Variants in NIPSNAP3B observed in about 807,000 individuals in gnomAD.
The protein encoded by NIPSNAP3B is protein NipSnap homolog 3B.
In NIPSNAP3B, 30 loss-of-function variants were observed where a neutral mutation model predicts 31.5. That is an observed-to-expected ratio of 0.95 (90% CI 0.71 to 1.29). The LOEUF (loss-of-function observed/expected upper bound fraction) is 1.29, where lower values mean the gene tolerates loss of function less well. Ranked by LOEUF, NIPSNAP3B falls within the 50% of genes most tolerant of loss-of-function variation. The probability of loss-of-function intolerance (pLI) is 0.00; values close to 1 mark genes in which losing one functional copy is unlikely to be tolerated. For synonymous variants in NIPSNAP3B, 106 were observed against 107.9 expected, an observed-to-expected ratio of 0.98 and a Z score of 0.11; for missense variants, 269 against 300.7, an observed-to-expected ratio of 0.89 and a Z score of 0.78.
At position 104,774,763 on chromosome 9, in the gene NIPSNAP3B, T is replaced by C. The variant is rs1828297480; in HGVS notation, c.*1690T>C. Among the ~76,000 whole-genome samples the C allele has an allele frequency of 6.6e-6, 1 of 152,186 alleles. No individual in the cohort carries two copies. The highest frequency in any genetic ancestry group is 1.5e-5 in the Non-Finnish European group (1 of 68,026). ...TTCCTAAAACTTAACATGACAGAGA[T>C]TTGCCTTCCAGGGGGTCTAATTTGA... On this transcript the variant is annotated 3_prime_UTR_variant, in exon 6 of 6. Transcript: ENST00000374762.
At chr9:104,787,405 C>T in the NIPSNAP3B span, among the ~76,000 whole-genome samples, 1 of 151,822 alleles carries the variant, frequency 6.6e-6, no homozygotes, top group Non-Finnish European at 1.5e-5. Context: ...CAACTGTTAG[C>T]CTTACAGAAA....
chr9:104,787,717 T>C, the NIPSNAP3B span: 1 of 445,764 alleles, frequency 2.2e-6, no homozygotes, highest in South Asian at 9.6e-5. Flanking sequence ...GGAGTGCCTC[T>C]ATTTGGGAGC....
At chr9:104,785,510 T>C in the NIPSNAP3B span, 1 of 1,614,160 alleles carries the variant, frequency 6.2e-7, no homozygotes, top group Non-Finnish European at 8.5e-7. Context: ...GAAGCTGGTA[T>C]TGTAGCATGT....
At chr9:104,785,667 G>T in the NIPSNAP3B span, 1 of 1,613,100 alleles carries the variant, frequency 6.2e-7, no homozygotes, top group Non-Finnish European at 8.5e-7. Flanking sequence ...TACCCAAATG[G>T]AGGATCTCCA....
chr9:104,772,722 T>A, intron 4 of NIPSNAP3B, 100 bp from the exon 5 acceptor site: 1 of 1,388,002 alleles, frequency 7.2e-7, no homozygotes, highest in Non-Finnish European at 1.0e-6. Context: ...CTTTTGATTT[T>A]GATTTAAAGA....
In NIPSNAP3B at chr9:104,768,929, C is replaced by A; in HGVS notation, c.338C>A (p.Ser113Tyr). The change falls in exon 3 of 6, where the codon TCT becomes TAT. Residue 113 changes from serine (S) to tyrosine (Y), a missense_variant. Ser to Tyr is a moderately radical substitution (Grantham distance 144, BLOSUM62 -2). Coordinates refer to ENST00000374762, the MANE Select transcript of NIPSNAP3B (RefSeq NM_018376.4). ...AACTGTAAGGAATGGCAAGAACAATCTATCATTCCAAATTTGGCTCGCATT... is the reference window on the plus strand; with the variant it reads ...AACTGTAAGGAATGGCAAGAACAATATATCATTCCAAATTTGGCTCGCATT... ...LANCKEWQEQ[S>Y]IIPNLARIDK... is the part of the protein sequence containing the mutation. 1 of 1,613,798 alleles carries A rather than the reference C, an allele frequency of 6.2e-7. No homozygotes were observed. Among genetic ancestry groups the A allele is most frequent in the South Asian group, 1.1e-5 (1 of 91,074 alleles).
At chr9:104,769,132 T>G in intron 3 of NIPSNAP3B, 111 bp downstream of exon 3, 1 of 755,536 alleles carries the variant, frequency 1.3e-6, no homozygotes, top group African/African-American at 1.8e-5. Flanking sequence ...TTGTTTTATA[T>G]AATAATATAT....
chr9:104,771,339 G>A (rs979443996), intron 4 of NIPSNAP3B: 1 of 164,308 alleles, frequency 6.1e-6, no homozygotes, highest in Non-Finnish European at 1.3e-5. Context: ...GTACCCAATT[G>A]TTATCTTTTC....
At chr9:104,786,895 A>T in the NIPSNAP3B span, 1 of 1,613,966 alleles carries the variant, frequency 6.2e-7, no homozygotes. Flanking sequence ...AGCACTACTG[A>T]TCTCCCCTCC....
At chr9:104,787,008 T>TG in the NIPSNAP3B span, 158 of 1,569,350 alleles carry the variant, frequency 1.0e-4, 2 homozygotes, top group South Asian at 9.5e-4. Flanking sequence ...TCTTATTTGC[T>TG]GGGGGGAAAA....
At chr9:104,771,201 G>A (rs150264772) in intron 4 of NIPSNAP3B, 5 of 469,360 alleles carry the variant, frequency 1.1e-5, no homozygotes, top group South Asian at 3.7e-5. Context: ...TTCAAATGCT[G>A]AACTGGTGTT....
At chr9:104,784,471 G>C in the NIPSNAP3B span, 7 of 1,613,960 alleles carry the variant, frequency 4.3e-6, no homozygotes, top group Admixed American at 3.3e-5. Context: ...AAAAGATTAA[G>C]ATGGACCTTT....
Position 104,768,909 on chromosome 9 carries a change from T to C in NIPSNAP3B, c.318T>C (p.Cys106=). 4 of 1,613,726 alleles carry C rather than the reference T, an allele frequency of 2.5e-6. No individual in the cohort carries two copies. In the South Asian group the frequency reaches 4.4e-5, roughly 18 times the overall value. The change falls in exon 3 of 6, where the codon TGT becomes TGC. Residue 106 remains cysteine (C), a synonymous_variant. Transcript: ENST00000374762. ...RAEVRKALAN[C]KEWQEQSIIP... is the part of the protein sequence containing the mutation. ...AAGTTCGGAAAGCCTTAGCCAACTG[T>C]AAGGAATGGCAAGAACAATCTATCA...
rs1321498476 is a variant in NIPSNAP3B, at chr9:104,773,865, T to G, written c.*792T>G. ...TTCATTGTTTTTTTAAATTCACATT[T>G]TATACTTATATGATCTCTAAAGCTC... On this transcript the variant is annotated 3_prime_UTR_variant, in exon 6 of 6. Transcript: ENST00000374762. 6.6e-6 allele frequency: 1 copy of G among 152,220 alleles called. No homozygotes were observed. The highest frequency in any genetic ancestry group is 1.5e-5 in the Non-Finnish European group (1 of 68,040). 9.4% of individuals were successfully genotyped at this position (152,220 alleles called of 1,614,324 possible).
downstream of NIPSNAP3B, among the ~76,000 whole-genome samples, chr9:104,779,111 G>GGCT (rs1185624357): frequency 6.6e-6 from 1 of 152,122 alleles, no homozygotes; most frequent in East Asian, 1.9e-4. Flanking sequence ...CACCTTGAAA[G>GGCT]GCTGCTCCTG....
chr9:104,772,107 T>G (rs1264173971), intron 4 of NIPSNAP3B, among the ~76,000 whole-genome samples: 2 of 152,162 alleles, frequency 1.3e-5, no homozygotes, highest in Non-Finnish European at 2.9e-5. Context: ...TTTAAGTTCC[T>G]TATAGAGGCT....
the NIPSNAP3B span, chr9:104,784,536 T>G: frequency 6.5e-7 from 1 of 1,547,662 alleles, no homozygotes; most frequent in Non-Finnish European, 8.9e-7. Context: ...TTCCAGATGT[T>G]GAAATTAGGT....
chr9:104,769,453 C>CAAAA (rs34083177), intron 3 of NIPSNAP3B, among the ~76,000 whole-genome samples: 47,009 of 108,842 alleles, frequency 0.43, 10,566 homozygotes, highest in Admixed American at 0.52. Flanking sequence ...GACTCCGTCT[C>CAAAA]AAAAAAAAAA....
intron 2 of NIPSNAP3B, among the ~76,000 whole-genome samples, chr9:104,767,099 T>C (rs1828105613): frequency 1.3e-5 from 2 of 152,080 alleles, no homozygotes; most frequent in Admixed American, 1.3e-4. Context: ...CAGCTAGGGC[T>C]GGATATCAGC....
Sources: gnomAD v4.1 joint callset for allele counts (sites outside exome capture counted in the v4.1 genomes callset) on GRCh38, gnomAD v4.1.1 for gene constraint, MANE v1.5 for transcripts, NCBI Gene and HGNC (gene_info 2026-07-23, HGNC 2026-07-21) for gene names.